FSTL5: variants seen among roughly 807,000 people sequenced by gnomAD.
FSTL5 encodes the protein follistatin like 5.
In FSTL5, 62 loss-of-function variants were observed where a neutral mutation model predicts 89.1. The ratio of observed to expected loss-of-function variants is 0.70; its 90% CI spans 0.57 to 0.86. FSTL5 has a LOEUF of 0.86. FSTL5 is among the 40% of genes least tolerant of loss of function. FSTL5 has a pLI of 0.00. For missense variants in FSTL5, 1,057 were observed against 1,001.6 expected (o/e 1.06, Z -0.75); for synonymous variants, 383 against 346.2 (o/e 1.11, Z -1.18).
intron 3 of FSTL5, among the ~76,000 whole-genome samples, chr4:161,949,659 T>C (rs535612671): frequency 4.6e-5 from 7 of 151,858 alleles, no homozygotes; most frequent in Non-Finnish European, 7.4e-5. Context: ...TTATAGTAAT[T>C]ATTATATTTT....
At chr4:161,841,235 A>AT (rs1731203328) in intron 4 of FSTL5, among the ~76,000 whole-genome samples, 1 of 152,180 alleles carries the variant, frequency 6.6e-6, no homozygotes, top group Non-Finnish European at 1.5e-5. Flanking sequence ...AATCTGATTG[A>AT]TTCACCTCTT....
At chr4:161,735,094 G>A (rs993436546) in intron 6 of FSTL5, among the ~76,000 whole-genome samples, 3 of 152,070 alleles carry the variant, frequency 2.0e-5, no homozygotes, top group Non-Finnish European at 4.4e-5. Context: ...CTAACCTACG[G>A]GCTATAAATC....
At chr4:161,522,082 C>G (rs1214824140) in intron 10 of FSTL5, among the ~76,000 whole-genome samples, 1 of 152,026 alleles carries the variant, frequency 6.6e-6, no homozygotes, top group Non-Finnish European at 1.5e-5. Flanking sequence ...AGTCCCCACC[C>G]CCATACAAGA....
At chr4:161,687,532 G>T (rs1162080040) in intron 6 of FSTL5, among the ~76,000 whole-genome samples, 2 of 152,162 alleles carry the variant, frequency 1.3e-5, no homozygotes, top group Non-Finnish European at 2.9e-5. Flanking sequence ...GTCTAGGTCA[G>T]TATTTCAGCC....
At chr4:162,024,996 T>G (rs748242935) in intron 3 of FSTL5, among the ~76,000 whole-genome samples, 1 of 152,072 alleles carries the variant, frequency 6.6e-6, no homozygotes, top group Non-Finnish European at 1.5e-5. Flanking sequence ...ATTCGTACTC[T>G]GAGAGAATAA....
rs1176700521 is a variant in FSTL5, at chr4:161,976,010, C to T, written c.161-55358G>A. Among the ~76,000 whole-genome samples, 15 of 145,670 alleles carry T rather than the reference C, an allele frequency of 1.0e-4. No individual in the cohort carries two copies. The East Asian group carries it at 1.1e-3, about 10-fold the overall frequency. ...GTGGGCGCCTGTAGTCCCAGCTACT[C>T]GGGAGGCTGAGGCAGGAGAATCGCG... On this transcript the variant is annotated intron_variant, in intron 3 of 15. Transcript: ENST00000306100.
At chr4:161,992,967 T>TAC (rs1560957885) in intron 3 of FSTL5, among the ~76,000 whole-genome samples, 39 of 134,496 alleles carry the variant, frequency 2.9e-4, no homozygotes, top group South Asian at 1.8e-3. Flanking sequence ...TATATATGTG[T>TAC]GTATATATAT....
chr4:161,672,982 C>T (rs1737174242), intron 6 of FSTL5, among the ~76,000 whole-genome samples: 1 of 151,888 alleles, frequency 6.6e-6, no homozygotes, highest in South Asian at 2.1e-4. Context: ...CTATGCAGTA[C>T]AGTACAATTG....
At chr4:162,055,912 T>C (rs1311512516) in intron 2 of FSTL5, among the ~76,000 whole-genome samples, 3 of 151,828 alleles carry the variant, frequency 2.0e-5, no homozygotes, top group African/African-American at 7.3e-5. Context: ...AAAAATAAAA[T>C]AGACTTCTGC....
chr4:161,919,990 GA>G (rs2110860676), intron 4 of FSTL5, among the ~76,000 whole-genome samples: 1 of 152,270 alleles, frequency 6.6e-6, no homozygotes, highest in African/African-American at 2.4e-5. Context: ...GGTGCAAACT[GA>G]AACCATCGTT....
rs116557791 is a variant in FSTL5, at chr4:162,082,329, T to G, written c.126+28942A>C. Among the ~76,000 whole-genome samples, 1,043 of 151,834 alleles carry G rather than the reference T, an allele frequency of 6.9e-3. 12 individuals are homozygous for G. Among genetic ancestry groups the G allele is most frequent in the African/African-American group, 0.024 (984 of 41,514 alleles). On this transcript the variant is annotated intron_variant, in intron 2 of 15. Transcript: ENST00000306100. ...TAAGAATTGCTTATGATTATTTTCC[T>G]CTTTGCTGGTATTTCCTATTATTGT...
intron 10 of FSTL5, among the ~76,000 whole-genome samples, chr4:161,529,822 C>T (rs566429186): frequency 7.0e-6 from 1 of 142,596 alleles, no homozygotes; most frequent in South Asian, 2.4e-4. Flanking sequence ...ATTATTCTAT[C>T]TATCTCACAG....
At chr4:162,064,495 A>G (rs890717718) in intron 2 of FSTL5, among the ~76,000 whole-genome samples, 1 of 152,048 alleles carries the variant, frequency 6.6e-6, no homozygotes, top group African/African-American at 2.4e-5. Flanking sequence ...GGAAGAAAAA[A>G]GGTAAAAAGT....
chr4:161,454,578 A>T (rs1733282771), intron 15 of FSTL5, among the ~76,000 whole-genome samples: 1 of 152,212 alleles, frequency 6.6e-6, no homozygotes, highest in South Asian at 2.1e-4. Context: ...AAATATTTAC[A>T]TTGAATATAT....
At chr4:161,599,868 A>T (rs142954697) in intron 7 of FSTL5, among the ~76,000 whole-genome samples, 1 of 152,196 alleles carries the variant, frequency 6.6e-6, no homozygotes, top group African/African-American at 2.4e-5. Flanking sequence ...CATTGTGCAC[A>T]TGTACTCCAG....
In FSTL5 at chr4:161,807,841, A is replaced by C. The variant is rs1333470150; in HGVS notation, c.410-31767T>G. 2.0e-5 allele frequency among the ~76,000 whole-genome samples: 3 copies of C among 152,284 alleles called. No individual in the cohort carries two copies. In the East Asian group the frequency reaches 5.8e-4, roughly 29 times the overall value. On this transcript the variant is annotated intron_variant, in intron 4 of 15. Transcript: ENST00000306100. ...CAGTGGACAGGTTGGGTAAGAAGAC[A>C]TGGTGGTTGAAAATACAGGAAAAAT...
chr4:161,983,977 A>C (rs1578917960), intron 3 of FSTL5, among the ~76,000 whole-genome samples: 1 of 152,074 alleles, frequency 6.6e-6, no homozygotes, highest in Non-Finnish European at 1.5e-5. Context: ...CCTGAAAAAA[A>C]TTTTATACAA....
At chr4:161,518,143 T>C (rs1416179202) in intron 10 of FSTL5, among the ~76,000 whole-genome samples, 3 of 152,240 alleles carry the variant, frequency 2.0e-5, no homozygotes, top group Admixed American at 1.3e-4. Flanking sequence ...GATTGTTTCC[T>C]CCTGTGACCA....
intron 7 of FSTL5, among the ~76,000 whole-genome samples, chr4:161,613,374 CAGGAGGCGGA>C (rs1341582854): frequency 1.3e-5 from 2 of 151,216 alleles, no homozygotes; most frequent in African/African-American, 4.9e-5. Context: ...TGCTTGAACC[CAGGAGGCGGA>C]GGTTGCAGGG....
Sources: allele counts gnomAD v4.1 joint callset (sites outside exome capture counted in the v4.1 genomes callset), GRCh38; gene constraint gnomAD v4.1.1; transcripts MANE v1.5; gene names NCBI Gene and HGNC (gene_info 2026-07-23, HGNC 2026-07-21).